The following DHRSX variants were observed in gnomAD, a reference collection of about 807,000 sequenced individuals.
The protein encoded by DHRSX is polyprenol dehydrogenase.
A neutral mutation model predicts 34.0 loss-of-function variants in DHRSX; 31 were observed. The ratio of observed to expected loss-of-function variants is 0.91; its 90% CI spans 0.69 to 1.23. DHRSX has a LOEUF of 1.23. Among genes scored for constraint, DHRSX ranks in the 50% most tolerant of loss-of-function variants. The pLI is 0.00. For synonymous variants in DHRSX, 201 were observed against 183.8 expected (o/e 1.09, Z -0.76); for missense variants, 414 against 428.1 (o/e 0.97, Z 0.29).
chrX:2,328,705 G>C (rs1420402961), intron 3 of DHRSX, among the ~76,000 whole-genome samples: 1 of 152,212 alleles, frequency 6.6e-6, no homozygotes, highest in Non-Finnish European at 1.5e-5. Flanking sequence ...CTTCAGAACT[G>C]TGGGAAAATA....
intron 6 of DHRSX, among the ~76,000 whole-genome samples, chrX:2,231,488 CTTTCA>C (rs2015877225): frequency 1.3e-5 from 2 of 149,636 alleles, no homozygotes; most frequent in African/African-American, 2.5e-5. Context: ...TCCTCCTCCT[CTTTCA>C]TTTCTTCCTT....
chrX:2,235,325 G>C, intron 6 of DHRSX, among the ~76,000 whole-genome samples: 1 of 152,148 alleles, frequency 6.6e-6, no homozygotes, highest in African/African-American at 2.4e-5. Flanking sequence ...ATCACCTACA[G>C]GTATAGTATT....
intron 3 of DHRSX, among the ~76,000 whole-genome samples, chrX:2,355,078 C>T (rs763085169): frequency 6.2e-4 from 94 of 152,244 alleles, no homozygotes; most frequent in Admixed American, 1.3e-3. Flanking sequence ...ACTAATCCTT[C>T]ACTATCTCAA....
At chrX:2,292,012 T>C (rs997405265) in intron 3 of DHRSX, among the ~76,000 whole-genome samples, 11 of 151,388 alleles carry the variant, frequency 7.3e-5, no homozygotes, top group South Asian at 2.1e-4. Flanking sequence ...AGTGCTGGGA[T>C]TACAGGCGTG....
intron 1 of DHRSX, among the ~76,000 whole-genome samples, chrX:2,491,450 G>A (rs1214154494): frequency 6.6e-6 from 1 of 152,144 alleles, no homozygotes; most frequent in Non-Finnish European, 1.5e-5. Context: ...GGAAAGCTGC[G>A]TAGATCTTTT....
chrX:2,385,108 A>ATGTGTG (rs1273797831), intron 3 of DHRSX, among the ~76,000 whole-genome samples: 2,346 of 122,572 alleles, frequency 0.019, 37 homozygotes, highest in East Asian at 0.052. Flanking sequence ...TCTCAAATAT[A>ATGTGTG]TATGTGTGTG....
At chrX:2,464,866 C>A (rs1416139816) in intron 1 of DHRSX, among the ~76,000 whole-genome samples, 2 of 152,104 alleles carry the variant, frequency 1.3e-5, no homozygotes, top group African/African-American at 4.8e-5. Flanking sequence ...GAAGAATTCC[C>A]TAAGCATGTG....
chrX:2,251,367 T>TA (rs1348393270), intron 5 of DHRSX, among the ~76,000 whole-genome samples: 3 of 152,210 alleles, frequency 2.0e-5, no homozygotes, highest in Admixed American at 6.5e-5. Flanking sequence ...CTTATACTGG[T>TA]CCAAGCAAGC....
At chrX:2,298,391 T>C (rs1383565548) in intron 3 of DHRSX, among the ~76,000 whole-genome samples, 2 of 100,492 alleles carry the variant, frequency 2.0e-5, no homozygotes, top group South Asian at 5.5e-4. Flanking sequence ...TCTGGTCTTT[T>C]GTTAAAAAAA....
At chrX:2,358,229 G>A (rs1236229742) in intron 3 of DHRSX, among the ~76,000 whole-genome samples, 1 of 152,156 alleles carries the variant, frequency 6.6e-6, no homozygotes, top group African/African-American at 2.4e-5. Context: ...CCTACAGAAT[G>A]AGAGAAAGTA....
rs748193212 is a variant in DHRSX, at chrX:2,275,018, G to T, written c.389-8071C>A. Among the ~76,000 whole-genome samples, 7 of 152,176 alleles carry T rather than the reference G, an allele frequency of 4.6e-5. No individual in the cohort carries two copies. The East Asian group carries it at 1.4e-3, about 29-fold the overall frequency. On this transcript the variant is annotated intron_variant, in intron 4 of 6. Coordinates refer to ENST00000334651, the MANE Select transcript of DHRSX (RefSeq NM_145177.3). Reference sequence around the variant, plus strand: ...AGAGATGATGGTACCCCAGAGGAGGGATTGACGGAAGTCCGAAATGCAGAA... The same window carrying T: ...AGAGATGATGGTACCCCAGAGGAGGTATTGACGGAAGTCCGAAATGCAGAA...
At chrX:2,282,803 G>GAAGAGAGA (rs1242864477) in intron 4 of DHRSX, among the ~76,000 whole-genome samples, 1 of 75,268 alleles carries the variant, frequency 1.3e-5, no homozygotes, top group Non-Finnish European at 3.1e-5. Context: ...AAGAAAGAGA[G>GAAGAGAGA]AAGAGAGAAA....
At chrX:2,274,728 G>T (rs1377972776) in intron 4 of DHRSX, among the ~76,000 whole-genome samples, 2 of 152,020 alleles carry the variant, frequency 1.3e-5, no homozygotes, top group African/African-American at 4.8e-5. Context: ...ACCGCGCCCG[G>T]CCACGCACCC....
At chrX:2,319,163 C>G (rs1191423950) in intron 3 of DHRSX, among the ~76,000 whole-genome samples, 1 of 152,006 alleles carries the variant, frequency 6.6e-6, no homozygotes, top group Non-Finnish European at 1.5e-5. Flanking sequence ...AGCAGATTCA[C>G]CCATTTGGAC....
At chrX:2,471,209 C>G (rs17842922) in intron 1 of DHRSX, among the ~76,000 whole-genome samples, 31,924 of 151,990 alleles carry the variant, frequency 0.21, 4,562 homozygotes, top group African/African-American at 0.41. Context: ...ATTCAACACC[C>G]TTTATATGAC....
chrX:2,455,201 G>A (rs528178389), intron 1 of DHRSX, among the ~76,000 whole-genome samples: 38 of 151,814 alleles, frequency 2.5e-4, no homozygotes, highest in African/African-American at 8.9e-4. Context: ...AGCAACAGAA[G>A]ACAAAATACC....
chrX:2,411,649 C>T (rs1216983987), intron 2 of DHRSX, among the ~76,000 whole-genome samples: 1 of 150,818 alleles, frequency 6.6e-6, no homozygotes, highest in Non-Finnish European at 1.5e-5. Context: ...ATTGCTTGAA[C>T]CCAGTAGGCA....
chrX:2,271,208 C>G (rs759107027), intron 4 of DHRSX, among the ~76,000 whole-genome samples: 1 of 152,322 alleles, frequency 6.6e-6, no homozygotes, highest in East Asian at 1.9e-4. Context: ...AAGGAAAAAA[C>G]TCCAGGCACA....
intron 6 of DHRSX, among the ~76,000 whole-genome samples, chrX:2,241,566 T>C (rs2016141709): frequency 6.6e-6 from 1 of 152,026 alleles, no homozygotes; most frequent in African/African-American, 2.4e-5. Context: ...TAAACCACTG[T>C]CTGTTCTGAG....
Sources: allele counts gnomAD v4.1 joint callset (sites outside exome capture counted in the v4.1 genomes callset), GRCh38; gene constraint gnomAD v4.1.1; transcripts MANE v1.5; gene names NCBI Gene and HGNC (gene_info 2026-07-23, HGNC 2026-07-21).